Variants in ATP8A2 observed in about 807,000 individuals in gnomAD.
ATP8A2 encodes the protein ATPase phospholipid transporting 8A2.
A neutral mutation model predicts 165.6 loss-of-function variants in ATP8A2; 100 were observed. The observed-to-expected ratio is 0.60, with a 90% CI of 0.51 to 0.71. The LOEUF is 0.71. Ranked by LOEUF, ATP8A2 falls within the 30% of genes least tolerant of loss-of-function variation. The probability of loss-of-function intolerance (pLI) is 0.00; values close to 1 mark genes in which losing one functional copy is unlikely to be tolerated. For synonymous variants in ATP8A2, 543 were observed against 548.8 expected (o/e 0.99, Z 0.15); for missense variants, 1,227 against 1,479.5 (o/e 0.83, Z 2.80).
At chr13:25,854,660 G>C (rs1049982978) in intron 30 of ATP8A2, among the ~76,000 whole-genome samples, 1 of 152,102 alleles carries the variant, frequency 6.6e-6, no homozygotes, top group Non-Finnish European at 1.5e-5. Context: ...AGTGGCTTCT[G>C]TCCAAGCCAC....
At chr13:25,727,778 G>T (rs2043527598) in intron 25 of ATP8A2, among the ~76,000 whole-genome samples, 1 of 152,146 alleles carries the variant, frequency 6.6e-6, no homozygotes, top group South Asian at 2.1e-4. Flanking sequence ...GTATGACAAA[G>T]CACTGGGAAT....
intron 2 of ATP8A2, among the ~76,000 whole-genome samples, chr13:25,512,968 C>G (rs2037308102): frequency 1.4e-5 from 2 of 137,966 alleles, no homozygotes; most frequent in South Asian, 2.3e-4. Flanking sequence ...GGCTGACCCC[C>G]CCACCTCCCT....
At position 25,469,059 on chromosome 13, in the gene ATP8A2, A is replaced by C; in HGVS notation, c.159A>C (p.Ala53=). The C allele has an allele frequency of 6.2e-7, 1 of 1,614,020 alleles. No individual in the cohort carries two copies. The highest frequency in any genetic ancestry group is 8.5e-7 in the Non-Finnish European group (1 of 1,179,902). Residue 53 remains alanine, a synonymous_variant, in exon 2 of 37, where the codon GCA becomes GCC. Transcript: ENST00000381655. ...CGTCTGTTGGAGACCAGCTGGAGGC[A>C]CCCGCCCGCACCATTTACCTCAACC... ...RATSVGDQLE[A]PARTIYLNQP...
At chr13:25,678,312 A>G (rs2042413095) in intron 24 of ATP8A2, among the ~76,000 whole-genome samples, 2 of 152,206 alleles carry the variant, frequency 1.3e-5, no homozygotes, top group Admixed American at 1.3e-4. Context: ...AAGAAGGCAG[A>G]TAATAGGCTG....
chr13:25,412,788 C>T (rs1259924187), intron 1 of ATP8A2, among the ~76,000 whole-genome samples: 2 of 152,184 alleles, frequency 1.3e-5, no homozygotes, highest in Admixed American at 1.3e-4. Context: ...CCAGGTAGGA[C>T]CTACATGAGC....
intron 1 of ATP8A2, among the ~76,000 whole-genome samples, chr13:25,461,936 CAACT>C (rs2035516835): frequency 1.3e-5 from 2 of 152,098 alleles, no homozygotes; most frequent in Admixed American, 6.5e-5. Flanking sequence ...AAATATTCAC[CAACT>C]GACACTTTAC....
chr13:26,007,653 G>A (rs550424869), intron 35 of ATP8A2, among the ~76,000 whole-genome samples: 1 of 152,248 alleles, frequency 6.6e-6, no homozygotes, highest in South Asian at 2.1e-4. Flanking sequence ...TATAAACAAA[G>A]GCAGGCTCTC....
chr13:25,622,868 G>A (rs1004644523), intron 24 of ATP8A2, among the ~76,000 whole-genome samples: 1 of 152,138 alleles, frequency 6.6e-6, no homozygotes, highest in Admixed American at 6.5e-5. Flanking sequence ...TCAACATGTA[G>A]TACTTATTGT....
At chr13:25,423,732 T>A (rs1278657661) in intron 1 of ATP8A2, among the ~76,000 whole-genome samples, 1 of 152,240 alleles carries the variant, frequency 6.6e-6, no homozygotes, top group Non-Finnish European at 1.5e-5. Context: ...TCTTGGTCAA[T>A]TTTATTAGTT....
intron 2 of ATP8A2, among the ~76,000 whole-genome samples, chr13:25,498,281 G>A (rs2036742821): frequency 2.0e-5 from 3 of 152,288 alleles, no homozygotes; most frequent in Non-Finnish European, 4.4e-5. Context: ...TGCCTGCTTG[G>A]ATTTTCAGAT....
chr13:25,777,653 A>G (rs1269043558), intron 27 of ATP8A2, among the ~76,000 whole-genome samples: 1 of 152,224 alleles, frequency 6.6e-6, no homozygotes, highest in Admixed American at 6.5e-5. Flanking sequence ...GCAATTTGGC[A>G]AATTAAAAAA....
chr13:25,661,282 C>G (rs1234345611), intron 24 of ATP8A2, among the ~76,000 whole-genome samples: 1 of 152,176 alleles, frequency 6.6e-6, no homozygotes, highest in Non-Finnish European at 1.5e-5. Flanking sequence ...ACTGCCGAGG[C>G]TACCCCTACC....
intron 1 of ATP8A2, among the ~76,000 whole-genome samples, chr13:25,432,719 C>T (rs527298631): frequency 2.0e-5 from 3 of 151,930 alleles, no homozygotes; most frequent in African/African-American, 7.2e-5. Context: ...TTACACTTCT[C>T]AAAGGGAAGC....
In ATP8A2 at chr13:26,024,985, A is replaced by G. The variant is rs1178515931; in HGVS notation, c.*5000A>G. On this transcript the variant is annotated 3_prime_UTR_variant, in exon 37 of 37. Transcript: ENST00000381655. ...GTAAGCTCTTCCGTGTGAAAGAGAA[A>G]AGGCCGGAAAGAGGGAGAGAGCCCA... 1 of 152,036 alleles carries G rather than the reference A, an allele frequency of 6.6e-6. No individual in the cohort carries two copies. The highest frequency in any genetic ancestry group is 1.5e-5 in the Non-Finnish European group (1 of 68,008). 9.4% of individuals were successfully genotyped at this position (152,036 alleles called of 1,614,324 possible).
intron 1 of ATP8A2, among the ~76,000 whole-genome samples, chr13:25,440,566 A>G (rs1308072017): frequency 6.6e-6 from 1 of 152,192 alleles, no homozygotes; most frequent in African/African-American, 2.4e-5. Context: ...CTTCATGTAA[A>G]GGGTGTAAAG....
intron 1 of ATP8A2, among the ~76,000 whole-genome samples, chr13:25,374,446 G>A (rs1447854024): frequency 6.6e-6 from 1 of 152,198 alleles, no homozygotes; most frequent in East Asian, 1.9e-4. Context: ...GAAGCAGATC[G>A]AGTGGTAGCT....
chr13:25,699,134 A>C, intron 24 of ATP8A2, 39 bp from the exon 25 acceptor site: 1 of 1,450,994 alleles, frequency 6.9e-7, no homozygotes, highest in Non-Finnish European at 9.2e-7. Flanking sequence ...GATATTAAAC[A>C]CACAAAAAAT....
Position 25,774,519 on chromosome 13 carries a change from T to C in ATP8A2, c.2569-330T>C, listed in dbSNP as rs146877685. On this transcript the variant is annotated intron_variant, in intron 26 of 36. Transcript: ENST00000381655. ...AACCATCATGGCAAATGTTTACTTATGTAATAAACCTTCACATCCTGCACA... is the reference window on the plus strand; with the variant it reads ...AACCATCATGGCAAATGTTTACTTACGTAATAAACCTTCACATCCTGCACA... Among the ~76,000 whole-genome samples the C allele has an allele frequency of 1.3e-3, 204 of 152,332 alleles. 1 individual carries two copies. Among genetic ancestry groups the C allele is most frequent in the African/African-American group, 4.6e-3 (191 of 41,578 alleles).
chr13:25,984,737 A>G (rs1956241060), intron 35 of ATP8A2, among the ~76,000 whole-genome samples: 1 of 152,242 alleles, frequency 6.6e-6, no homozygotes, highest in Non-Finnish European at 1.5e-5. Flanking sequence ...AGCCACGAAG[A>G]GTCATCAAAA....
Sources: allele counts gnomAD v4.1 joint callset (sites outside exome capture counted in the v4.1 genomes callset), GRCh38; gene constraint gnomAD v4.1.1; transcripts MANE v1.5; gene names NCBI Gene and HGNC (gene_info 2026-07-23, HGNC 2026-07-21).